PRKG2: variants seen among roughly 807,000 people sequenced by gnomAD.
PRKG2 encodes the protein protein kinase cGMP-dependent 2, also known as cGMP-dependent protein kinase 2.
A neutral mutation model predicts 97.2 loss-of-function variants in PRKG2; 33 were observed. That is an observed-to-expected ratio of 0.34 (90% confidence interval 0.26 to 0.45). PRKG2 has a LOEUF of 0.45. PRKG2 is among the 20% of genes least tolerant of loss of function. PRKG2 has a pLI of 1.00. For missense variants in PRKG2, 638 were observed against 900.0 expected (o/e 0.71, Z 3.73); for synonymous variants, 330 against 321.8 (o/e 1.03, Z -0.27).
intron 14 of PRKG2, among the ~76,000 whole-genome samples, chr4:81,126,852 T>C (rs1012118655): frequency 6.6e-6 from 1 of 152,228 alleles, no homozygotes; most frequent in Admixed American, 6.5e-5. Flanking sequence ...TTTGTTTTGC[T>C]GTGCAGAAGC....
intron 1 of PRKG2, among the ~76,000 whole-genome samples, chr4:81,208,502 A>G (rs1260286812): frequency 1.3e-5 from 2 of 152,024 alleles, no homozygotes; most frequent in Admixed American, 6.5e-5. Context: ...AATCACTATA[A>G]CCTGAAACTC....
intron 9 of PRKG2, among the ~76,000 whole-genome samples, chr4:81,146,470 T>G (rs1747870054): frequency 6.6e-6 from 1 of 152,192 alleles, no homozygotes; most frequent in Non-Finnish European, 1.5e-5. Context: ...AAAGGGTTAT[T>G]TCATATTTTA....
At chr4:81,191,243 C>CT (rs1752488800) in intron 2 of PRKG2, among the ~76,000 whole-genome samples, 1 of 152,130 alleles carries the variant, frequency 6.6e-6, no homozygotes, top group Non-Finnish European at 1.5e-5. Context: ...CCACGGAATA[C>CT]TATGCAGCCA....
intron 3 of PRKG2, chr4:81,173,678 G>T (rs752675156): frequency 1.3e-5 from 2 of 151,918 alleles, no homozygotes; most frequent in African/African-American, 4.8e-5. Flanking sequence ...CATAAAATTG[G>T]CATGTTCAAA....
chr4:81,181,815 A>G (rs1011582808), intron 2 of PRKG2, among the ~76,000 whole-genome samples: 1 of 152,044 alleles, frequency 6.6e-6, no homozygotes, highest in Non-Finnish European at 1.5e-5. Flanking sequence ...AAAAAATTCA[A>G]AATAAAATTT....
chr4:81,100,786 A>C (rs571487420), intron 17 of PRKG2, among the ~76,000 whole-genome samples: 1 of 152,190 alleles, frequency 6.6e-6, no homozygotes, highest in Admixed American at 6.5e-5. Flanking sequence ...GGCAACCTAC[A>C]GAATGGGAGA....
At chr4:81,154,007 G>A (rs1748701562) in intron 6 of PRKG2, 1 of 237,324 alleles carries the variant, frequency 4.2e-6, no homozygotes, top group African/African-American at 2.3e-5. Flanking sequence ...AGGGGTGATG[G>A]ACAGCACCTG....
chr4:81,212,727 T>C (rs1271189734), intron 1 of PRKG2, among the ~76,000 whole-genome samples: 1 of 152,104 alleles, frequency 6.6e-6, no homozygotes, highest in East Asian at 1.9e-4. Context: ...CTGAAGTTGA[T>C]GAATTGGAGG....
chr4:81,195,783 G>A (rs146814533), intron 2 of PRKG2, among the ~76,000 whole-genome samples: 5 of 152,120 alleles, frequency 3.3e-5, no homozygotes, highest in African/African-American at 1.2e-4. Context: ...ACGGACACGG[G>A]GTTGTTTCTG....
Position 81,142,676 on chromosome 4 carries a change from C to T in PRKG2, c.1407+118G>A, listed in dbSNP as rs1747409731. On this transcript the variant is annotated intron_variant, in intron 11 of 18. Transcript: ENST00000264399. Reference sequence around the variant, plus strand: ...AAAGTTTACTTTCTCAATTTCAGTTCAAAGCAACATTTAAGATAGCAGTAA... The same window carrying T: ...AAAGTTTACTTTCTCAATTTCAGTTTAAAGCAACATTTAAGATAGCAGTAA... The T allele has an allele frequency of 2.4e-6, 3 of 1,263,386 alleles. No individual in the cohort carries two copies. In the South Asian group the frequency reaches 6.3e-5, roughly 26 times the overall value. The allele number at this position is 1,263,386 out of a possible 1,614,324, so 78.3% of individuals were successfully genotyped here. A position where few individuals can be genotyped will look rare whatever the true frequency, so the allele number is the denominator to read the frequency against.
intron 2 of PRKG2, among the ~76,000 whole-genome samples, chr4:81,193,702 T>A (rs1752754645): frequency 6.6e-6 from 1 of 151,864 alleles, no homozygotes; most frequent in Non-Finnish European, 1.5e-5. Context: ...TAGCAGGGTG[T>A]GGTGGTGGGC....
chr4:81,205,598 G>C (rs140282025), intron 1 of PRKG2, among the ~76,000 whole-genome samples: 1 of 152,312 alleles, frequency 6.6e-6, no homozygotes, highest in Non-Finnish European at 1.5e-5. Flanking sequence ...TCCTCCTGCT[G>C]TATGTATCTA....
At chr4:81,155,000 C>A (rs958455397) in intron 6 of PRKG2, among the ~76,000 whole-genome samples, 6 of 151,720 alleles carry the variant, frequency 4.0e-5, no homozygotes, top group Admixed American at 2.0e-4. Context: ...CGGTGAAACC[C>A]CGTCTCTACT....
intron 4 of PRKG2, among the ~76,000 whole-genome samples, chr4:81,170,377 T>C (rs1750356650): frequency 6.6e-6 from 1 of 152,102 alleles, no homozygotes; most frequent in South Asian, 2.1e-4. Flanking sequence ...AAAAAGAAAG[T>C]GGGCCAGAAG....
Position 81,171,761 on chromosome 4 carries a change from G to A in PRKG2, c.672C>T (p.Ser224=), listed in dbSNP as rs771155814. The A allele has an allele frequency of 6.2e-7, 1 of 1,611,402 alleles. No individual in the cohort carries two copies. The highest frequency in any genetic ancestry group is 8.5e-7 in the Non-Finnish European group (1 of 1,178,782). Residue 224 remains serine (S), a synonymous_variant, in exon 4 of 19, where the codon TCC becomes TCT. Coordinates refer to ENST00000264399, the MANE Select transcript of PRKG2 (RefSeq NM_006259.3). ...EVFQGEKLLS[S]IPMWTTFGEL... ...CCCCAAATGTGGTCCACATAGGGAT[G>A]GAGGACAGCAATTTCTCCCCTTGGA...
intron 2 of PRKG2, among the ~76,000 whole-genome samples, chr4:81,192,020 C>T (rs930075372): frequency 6.6e-6 from 1 of 152,142 alleles, no homozygotes; most frequent in African/African-American, 2.4e-5. Flanking sequence ...CAAAAATGTT[C>T]ATGGCAGCAT....
intron 3 of PRKG2, among the ~76,000 whole-genome samples, chr4:81,172,518 G>A (rs958869667): frequency 6.6e-6 from 1 of 152,160 alleles, no homozygotes; most frequent in Non-Finnish European, 1.5e-5. Flanking sequence ...ACTAAGAAGA[G>A]TGTTTGGCAC....
chr4:81,167,112 A>G (rs778422060), intron 6 of PRKG2, 49 bp downstream of exon 6: 1 of 1,246,690 alleles, frequency 8.0e-7, no homozygotes, highest in Non-Finnish European at 1.1e-6. Flanking sequence ...ATATAAGTAC[A>G]TTCTAATATC....
chr4:81,107,884 A>T (rs1743506672), intron 15 of PRKG2, among the ~76,000 whole-genome samples: 1 of 152,120 alleles, frequency 6.6e-6, no homozygotes, highest in Non-Finnish European at 1.5e-5. Flanking sequence ...TTTGGATAAC[A>T]TTTTAACTCA....
Sources: allele counts gnomAD v4.1 joint callset (sites outside exome capture counted in the v4.1 genomes callset), GRCh38; gene constraint gnomAD v4.1.1; transcripts MANE v1.5; gene names NCBI Gene and HGNC (gene_info 2026-07-23, HGNC 2026-07-21).